Variants in CAPZA2 observed in about 807,000 individuals in gnomAD.
CAPZA2 encodes the protein capping actin protein of muscle Z-line subunit alpha 2.
Under a neutral mutation model 44.0 loss-of-function variants are expected in CAPZA2, and 13 were observed. The observed-to-expected ratio is 0.30, with a 90% confidence interval of 0.19 to 0.47. The LOEUF (loss-of-function observed/expected upper bound fraction) is 0.47, where lower values mean the gene tolerates loss of function less well. CAPZA2 is among the 20% of genes least tolerant of loss of function. The pLI is 1.00. For missense variants in CAPZA2, 244 were observed against 338.6 expected, an observed-to-expected ratio of 0.72 and a Z score of 2.19; for synonymous variants, 94 against 108.2, an observed-to-expected ratio of 0.87 and a Z score of 0.81.
chr7:116,913,490 T>G (rs1299199831), intron 8 of CAPZA2, among the ~76,000 whole-genome samples: 1 of 152,214 alleles, frequency 6.6e-6, no homozygotes, highest in Non-Finnish European at 1.5e-5. Flanking sequence ...AATGAAGTTT[T>G]TTTTTTAAGT....
chr7:116,892,039 C>A (rs1376014434), intron 2 of CAPZA2, among the ~76,000 whole-genome samples: 1 of 152,140 alleles, frequency 6.6e-6, no homozygotes, highest in Non-Finnish European at 1.5e-5. Context: ...GTATATTTAA[C>A]AATACATAAA....
At chr7:116,906,411 G>A (rs1221041963) in intron 6 of CAPZA2, 69 bp downstream of exon 6, 3 of 1,565,516 alleles carry the variant, frequency 1.9e-6, no homozygotes, top group East Asian at 4.6e-5. Context: ...TTGCTTTAGT[G>A]ATTTGGGCTA....
chr7:116,867,515 T>C (rs550845239), intron 1 of CAPZA2, among the ~76,000 whole-genome samples: 1 of 152,272 alleles, frequency 6.6e-6, no homozygotes, highest in African/African-American at 2.4e-5. Flanking sequence ...TCAATACGTA[T>C]TGTTACTTAA....
Position 116,921,764 on chromosome 7 carries a change from T to C in CAPZA2, c.*3897T>C, listed in dbSNP as rs529203895. The C allele has an allele frequency of 6.6e-6, 1 of 152,258 alleles. No individual in the cohort carries two copies. The highest frequency in any genetic ancestry group is 2.4e-5 in the African/African-American group (1 of 41,520). 9.4% of individuals were successfully genotyped at this position (152,258 alleles called of 1,614,324 possible). On this transcript the variant is annotated 3_prime_UTR_variant, in exon 10 of 10. Transcript: ENST00000361183. ...AATTGAGGTTTTGAGGAGTTACTAG[T>C]AATGACAAATATGACCAACGGAGTG... is the stretch of plus-strand genomic sequence containing the variant.
At chr7:116,903,228 AGAAGAGT>A (rs909265421) in intron 4 of CAPZA2, among the ~76,000 whole-genome samples, 1 of 129,732 alleles carries the variant, frequency 7.7e-6, no homozygotes, top group African/African-American at 3.1e-5. Flanking sequence ...CCAGATGCAG[AGAAGAGT>A]GTGTGTGTGT....
At chr7:116,912,703 A>G (rs1791614494) in intron 8 of CAPZA2, among the ~76,000 whole-genome samples, 1 of 152,230 alleles carries the variant, frequency 6.6e-6, no homozygotes, top group East Asian at 1.9e-4. Flanking sequence ...TTTTATGGAC[A>G]TACCACATTT....
At chr7:116,895,759 G>C (rs1267749513) in intron 3 of CAPZA2, among the ~76,000 whole-genome samples, 1 of 151,896 alleles carries the variant, frequency 6.6e-6, no homozygotes, top group Non-Finnish European at 1.5e-5. Context: ...GACATCTCTG[G>C]GTGTCTGTGA....
chr7:116,921,782 A>G lies in CAPZA2; in HGVS notation c.*3915A>G, dbSNP rs1791773380. 6.6e-6 allele frequency: 1 copy of G among 152,254 alleles called. No individual in the cohort carries two copies. Among genetic ancestry groups the G allele is most frequent in the African/African-American group, 2.4e-5 (1 of 41,448 alleles). 9.4% of individuals were successfully genotyped at this position (152,254 alleles called of 1,614,324 possible). ...TTACTAGTAATGACAAATATGACCA[A>G]CGGAGTGACTGGCTGAGGGGAGAGA... On this transcript the variant is annotated 3_prime_UTR_variant, in exon 10 of 10. Transcript: ENST00000361183.
chr7:116,912,174 A>G (rs1412408134), intron 8 of CAPZA2, 34 bp downstream of exon 8: 1 of 1,606,244 alleles, frequency 6.2e-7, no homozygotes, highest in East Asian at 2.2e-5. Flanking sequence ...AATTTAACCT[A>G]ATACTTCTGT....
chr7:116,888,361 A>T (rs953526801), intron 2 of CAPZA2, 171 bp downstream of exon 2: 2 of 462,388 alleles, frequency 4.3e-6, no homozygotes, highest in Non-Finnish European at 7.6e-6. Context: ...TAATGTATTT[A>T]TTTATATATG....
At chr7:116,898,905 G>A in intron 4 of CAPZA2, 70 bp downstream of exon 4, 1 of 869,126 alleles carries the variant, frequency 1.2e-6, no homozygotes, top group South Asian at 1.6e-5. Flanking sequence ...GAGCTGTGAA[G>A]TGGTATGCTG....
intron 1 of CAPZA2, among the ~76,000 whole-genome samples, chr7:116,872,486 TA>T (rs1796565325): frequency 6.6e-6 from 1 of 152,088 alleles, no homozygotes; most frequent in Non-Finnish European, 1.5e-5. Flanking sequence ...ATGATAATTA[TA>T]AAGGAAAAAA....
At chr7:116,881,738 CAAAAAAAAAAAAAAAA>C (rs71148338) in intron 1 of CAPZA2, among the ~76,000 whole-genome samples, 2 of 47,784 alleles carry the variant, frequency 4.2e-5, no homozygotes, top group African/African-American at 1.5e-4. Context: ...GACTCTGTCT[CAAAAAAAAAAAAAAAA>C]AAAAAAAAAT....
intron 2 of CAPZA2, among the ~76,000 whole-genome samples, chr7:116,890,551 TATATATATATATATATAC>T (rs1562959949): frequency 0.096 from 1,264 of 13,194 alleles, 174 homozygotes; most frequent in African/African-American, 0.28. Context: ...TATATATATA[TATATATATATATATATAC>T]ACATATATAT....
In CAPZA2 at chr7:116,888,224, T is replaced by A. The variant is rs773378639; in HGVS notation, c.103+34T>A. ...TTGATTTATAACACTAGGCTTGATA[T>A]ATCAAGCCCTCTTTTTAAAAGAAAA... On this transcript the variant is annotated intron_variant, in intron 2 of 9. Coordinates refer to ENST00000361183, the MANE Select transcript of CAPZA2 (RefSeq NM_006136.3). The A allele has an allele frequency of 5.7e-6, 8 of 1,411,670 alleles. No individual in the cohort carries two copies. The East Asian group carries it at 1.6e-4, about 28-fold the overall frequency. 87.4% of individuals were successfully genotyped at this position (1,411,670 alleles called of 1,614,324 possible).
At chr7:116,875,203 C>G (rs1225490007) in intron 1 of CAPZA2, 1 of 151,210 alleles carries the variant, frequency 6.6e-6, no homozygotes, top group African/African-American at 2.4e-5. Flanking sequence ...TCATTTTCTT[C>G]AGAGTCTTGT....
chr7:116,871,165 A>G (rs1265473758), intron 1 of CAPZA2, among the ~76,000 whole-genome samples: 2 of 152,208 alleles, frequency 1.3e-5, no homozygotes, highest in African/African-American at 4.8e-5. Flanking sequence ...CGTATACTTT[A>G]TACTTTGATT....
intron 7 of CAPZA2, 150 bp from the exon 8 acceptor site, chr7:116,911,919 T>G: frequency 7.7e-7 from 1 of 1,297,680 alleles, no homozygotes; most frequent in Non-Finnish European, 1.0e-6. Flanking sequence ...GCAGGAAGAG[T>G]CTTGCTGGAG....
intron 3 of CAPZA2, among the ~76,000 whole-genome samples, chr7:116,893,409 G>A (rs1050026532): frequency 4.6e-5 from 7 of 152,192 alleles, no homozygotes; most frequent in Non-Finnish European, 7.3e-5. Context: ...GATTACAGGC[G>A]TGAGCCACCA....
Sources: gnomAD v4.1 joint callset for allele counts (sites outside exome capture counted in the v4.1 genomes callset) on GRCh38, gnomAD v4.1.1 for gene constraint, MANE v1.5 for transcripts, NCBI Gene and HGNC (gene_info 2026-07-23, HGNC 2026-07-21) for gene names.